The following RSPO2 variants were observed in gnomAD, a reference collection of about 807,000 sequenced individuals.
RSPO2 encodes the protein R-spondin-2.
RSPO2 carries 14 observed loss-of-function variants against 30.9 expected under a neutral mutation model. The observed-to-expected ratio is 0.45, with a 90% CI of 0.30 to 0.71. The LOEUF (loss-of-function observed/expected upper bound fraction) is 0.71. RSPO2 is among the 30% of genes least tolerant of loss of function. RSPO2 has a pLI of 0.08. For missense variants in RSPO2, 264 were observed against 301.9 expected (o/e 0.87, Z 0.93); for synonymous variants, 107 against 96.4 (o/e 1.11, Z -0.64).
intron 2 of RSPO2, among the ~76,000 whole-genome samples, chr8:108,047,856 G>GAA (rs5893903): frequency 5.9e-5 from 8 of 135,836 alleles, no homozygotes; most frequent in Admixed American, 1.5e-4. Context: ...GGCTCAGGGA[G>GAA]AAAAAAAAAA....
chr8:108,079,142 T>C (rs1813107271), intron 2 of RSPO2, among the ~76,000 whole-genome samples: 1 of 152,196 alleles, frequency 6.6e-6, no homozygotes, highest in Non-Finnish European at 1.5e-5. Flanking sequence ...ATGACTATTT[T>C]GAAGGGGGAG....
intron 5 of RSPO2, among the ~76,000 whole-genome samples, chr8:107,908,340 C>T (rs1045594587): frequency 6.6e-6 from 1 of 152,064 alleles, no homozygotes; most frequent in African/African-American, 2.4e-5. Flanking sequence ...AGTTTGAAGA[C>T]AGGATTCTGT....
intron 3 of RSPO2, among the ~76,000 whole-genome samples, chr8:107,979,694 A>G (rs1438775790): frequency 6.6e-6 from 1 of 151,844 alleles, no homozygotes; most frequent in African/African-American, 2.4e-5. Flanking sequence ...AAAAGGCAGA[A>G]ATCTGTGAGT....
At chr8:108,036,401 C>T (rs899760442) in intron 2 of RSPO2, among the ~76,000 whole-genome samples, 6 of 152,188 alleles carry the variant, frequency 3.9e-5, no homozygotes, top group Admixed American at 1.3e-4. Context: ...CCTCTCTGCC[C>T]CCTCTGCAAA....
In RSPO2 at chr8:107,927,437, G is replaced by A. The variant is rs1425563328; in HGVS notation, c.617-26247C>T. ...GGCCAGAACTTCCAACACTATGTTG[G>A]ATAGGAGTGGTGAGAGAGGGCATCC... On this transcript the variant is annotated intron_variant, in intron 5 of 5. Transcript: ENST00000276659. Among the ~76,000 whole-genome samples the A allele has an allele frequency of 2.8e-4, 43 of 152,096 alleles. No individual in the cohort carries two copies. The East Asian group carries it at 7.0e-3, about 25-fold the overall frequency.
intron 2 of RSPO2, among the ~76,000 whole-genome samples, chr8:108,047,313 G>T (rs1811934088): frequency 6.6e-6 from 1 of 152,184 alleles, no homozygotes; most frequent in Non-Finnish European, 1.5e-5. Context: ...TCCTTCATAT[G>T]TCAGAGGCCA....
At chr8:107,910,785 TG>T (rs753888967) in intron 5 of RSPO2, among the ~76,000 whole-genome samples, 6 of 152,112 alleles carry the variant, frequency 3.9e-5, no homozygotes, top group Non-Finnish European at 1.5e-5. Flanking sequence ...AGGTTGGGCA[TG>T]GGGGCTCATA....
chr8:108,048,097 G>A (rs985665842), intron 2 of RSPO2, among the ~76,000 whole-genome samples: 1 of 152,000 alleles, frequency 6.6e-6, no homozygotes, highest in African/African-American at 2.4e-5. Flanking sequence ...TTATCCTAAG[G>A]AGGTAGATAC....
intron 3 of RSPO2, chr8:107,983,530 G>A: frequency 6.2e-7 from 1 of 1,600,638 alleles, no homozygotes; most frequent in African/African-American, 1.3e-5. Flanking sequence ...CAGGGATCCA[G>A]ACACACTACT....
intron 2 of RSPO2, among the ~76,000 whole-genome samples, chr8:108,038,251 T>C (rs1016185916): frequency 6.6e-6 from 1 of 152,120 alleles, no homozygotes. Context: ...ATTGCAGACA[T>C]GGTAGAAATG....
intron 2 of RSPO2, among the ~76,000 whole-genome samples, chr8:108,032,350 A>T (rs1416330711): frequency 1.3e-5 from 2 of 152,080 alleles, no homozygotes; most frequent in African/African-American, 4.8e-5. Flanking sequence ...TAAATGATGA[A>T]CTCCTTGAGA....
At chr8:107,911,102 C>T (rs992459049) in intron 5 of RSPO2, among the ~76,000 whole-genome samples, 1 of 152,266 alleles carries the variant, frequency 6.6e-6, no homozygotes, top group African/African-American at 2.4e-5. Context: ...TCCTGTTCTT[C>T]CTAGGCTCCC....
At chr8:108,033,901 G>T (rs375600546) in intron 2 of RSPO2, among the ~76,000 whole-genome samples, 23 of 152,136 alleles carry the variant, frequency 1.5e-4, no homozygotes, top group East Asian at 7.7e-4. Context: ...CAACCCACTG[G>T]CAACACCCTT....
At chr8:107,938,902 T>C (rs558702184) in intron 5 of RSPO2, among the ~76,000 whole-genome samples, 5 of 152,292 alleles carry the variant, frequency 3.3e-5, no homozygotes, top group African/African-American at 9.6e-5. Context: ...CATTTTGCCA[T>C]AGCGCAGGCT....
chr8:107,924,792 T>C (rs920840339), intron 5 of RSPO2, among the ~76,000 whole-genome samples: 1 of 149,304 alleles, frequency 6.7e-6, no homozygotes, highest in African/African-American at 2.5e-5. Context: ...GGAAAGCAAA[T>C]AAATTGTATT....
intron 5 of RSPO2, among the ~76,000 whole-genome samples, chr8:107,920,095 G>C (rs888363324): frequency 1.4e-4 from 22 of 152,054 alleles, no homozygotes; most frequent in Non-Finnish European, 7.4e-5. Flanking sequence ...CCAAAAATCT[G>C]GATGAGGCAG....
intron 3 of RSPO2, among the ~76,000 whole-genome samples, chr8:107,961,549 C>T (rs1011992369): frequency 2.6e-5 from 4 of 152,122 alleles, no homozygotes; most frequent in Admixed American, 6.5e-5. Flanking sequence ...CTCTATAACT[C>T]GCTCACTGCA....
At chr8:107,941,283 A>G (rs1242165320) in intron 5 of RSPO2, among the ~76,000 whole-genome samples, 1 of 152,158 alleles carries the variant, frequency 6.6e-6, no homozygotes, top group Non-Finnish European at 1.5e-5. Context: ...TCATTTAGAA[A>G]TTATCTCTAT....
chr8:108,001,342 A>G (rs984740672), intron 2 of RSPO2, among the ~76,000 whole-genome samples: 1 of 152,238 alleles, frequency 6.6e-6, no homozygotes, highest in Non-Finnish European at 1.5e-5. Flanking sequence ...AGCATAAACA[A>G]TTCCCCAAAT....
Sources: allele counts gnomAD v4.1 joint callset (sites outside exome capture counted in the v4.1 genomes callset), GRCh38; gene constraint gnomAD v4.1.1; transcripts MANE v1.5; gene names NCBI Gene and HGNC (gene_info 2026-07-23, HGNC 2026-07-21).